ZNF722: variants seen among roughly 807,000 people sequenced by gnomAD.
ZNF722 encodes zinc finger protein 722.
At chr7:63,999,858 G>T in the ZNF722 span, among the ~76,000 whole-genome samples, 2 of 151,132 alleles carry the variant, frequency 1.3e-5, no homozygotes, top group Non-Finnish European at 2.9e-5. Flanking sequence ...CCACGACCAG[G>T]CTAATTTTTG....
At chr7:64,015,218 T>C in the ZNF722 span, 1 of 1,248,460 alleles carries the variant, frequency 8.0e-7, no homozygotes, top group East Asian at 2.3e-5. Flanking sequence ...GTTTGTCAAA[T>C]ACCCAAAACA....
At chr7:64,008,931 T>A in the ZNF722 span, among the ~76,000 whole-genome samples, 2 of 152,210 alleles carry the variant, frequency 1.3e-5, no homozygotes, top group Non-Finnish European at 2.9e-5. Context: ...GAGCAGTGGT[T>A]TGAAGTTCTC....
the ZNF722 span, among the ~76,000 whole-genome samples, chr7:64,013,068 C>T: frequency 6.6e-6 from 1 of 152,122 alleles, no homozygotes; most frequent in Non-Finnish European, 1.5e-5. Flanking sequence ...GTCTACTGAA[C>T]TGTGAACCAA....
At chr7:64,002,827 G>A in the ZNF722 span, among the ~76,000 whole-genome samples, 3 of 152,094 alleles carry the variant, frequency 2.0e-5, no homozygotes, top group Non-Finnish European at 4.4e-5. Context: ...ACTTAAAAAA[G>A]CCAACAAAAA....
the ZNF722 span, among the ~76,000 whole-genome samples, chr7:64,004,425 A>AAAAAAAAAATAT: frequency 3.3e-5 from 2 of 61,120 alleles, no homozygotes; most frequent in African/African-American, 8.0e-5. Flanking sequence ...AAAAAAAAAA[A>AAAAAAAAAATAT]ATATATATAT....
At chr7:64,010,571 C>T in the ZNF722 span, among the ~76,000 whole-genome samples, 1 of 152,158 alleles carries the variant, frequency 6.6e-6, no homozygotes, top group Non-Finnish European at 1.5e-5. Flanking sequence ...GTTTCTTAAT[C>T]CTGAGTTCTA....
At chr7:64,005,657 G>A in the ZNF722 span, 1 of 1,374,372 alleles carries the variant, frequency 7.3e-7, no homozygotes, top group Non-Finnish European at 1.0e-6. Flanking sequence ...CTCTCTGGAG[G>A]AGTGGCAATG....
At chr7:64,015,743 A>C in the ZNF722 span, 6 of 1,613,570 alleles carry the variant, frequency 3.7e-6, no homozygotes, top group East Asian at 1.1e-4. Context: ...AACCCTACAC[A>C]TGTGAAGAAT....
chr7:64,005,008 T>A, the ZNF722 span, among the ~76,000 whole-genome samples: 1 of 152,150 alleles, frequency 6.6e-6, no homozygotes, highest in Non-Finnish European at 1.5e-5. Context: ...CACAACTTAT[T>A]CTGTATGATG....
the ZNF722 span, among the ~76,000 whole-genome samples, chr7:64,003,707 C>G: frequency 2.0e-4 from 30 of 152,264 alleles, no homozygotes; most frequent in South Asian, 6.2e-3. Context: ...TCTATACATA[C>G]TTTTCATCTT....
the ZNF722 span, among the ~76,000 whole-genome samples, chr7:64,005,331 A>C: frequency 6.6e-6 from 1 of 152,168 alleles, no homozygotes; most frequent in Non-Finnish European, 1.5e-5. Flanking sequence ...ATAGAAAAAA[A>C]AGACATGTCC....
At chr7:64,004,410 TAA>T in the ZNF722 span, among the ~76,000 whole-genome samples, 526 of 35,220 alleles carry the variant, frequency 0.015, 8 homozygotes, top group South Asian at 0.15. Flanking sequence ...CTCTGTCTCT[TAA>T]AAAAAAAAAA....
At chr7:64,010,221 G>GT in the ZNF722 span, among the ~76,000 whole-genome samples, 1 of 152,036 alleles carries the variant, frequency 6.6e-6, no homozygotes, top group Non-Finnish European at 1.5e-5. Context: ...TTTTTGAAGG[G>GT]TTTTTTGTGT....
At chr7:64,004,891 C>T in the ZNF722 span, among the ~76,000 whole-genome samples, 2 of 152,076 alleles carry the variant, frequency 1.3e-5, no homozygotes, top group South Asian at 2.1e-4. Context: ...CAGACTTTAT[C>T]CCAAATCTCC....
the ZNF722 span, chr7:63,999,035 G>C: frequency 8.3e-6 from 13 of 1,567,914 alleles, no homozygotes; most frequent in African/African-American, 1.8e-4. Flanking sequence ...AGAGGGGCGG[G>C]AGACGGTTGG....
At chr7:64,009,517 T>C in the ZNF722 span, among the ~76,000 whole-genome samples, 1 of 152,216 alleles carries the variant, frequency 6.6e-6, no homozygotes, top group East Asian at 1.9e-4. Context: ...GTTTTGTCTT[T>C]GGTTCTGTTT....
At chr7:64,001,680 T>TAAAC in the ZNF722 span, among the ~76,000 whole-genome samples, 1 of 152,348 alleles carries the variant, frequency 6.6e-6, no homozygotes, top group South Asian at 2.1e-4. Context: ...TCTCAATGTT[T>TAAAC]AAACAAATTT....
At chr7:64,011,188 C>T in the ZNF722 span, among the ~76,000 whole-genome samples, 1 of 151,990 alleles carries the variant, frequency 6.6e-6, no homozygotes, top group Non-Finnish European at 1.5e-5. Flanking sequence ...ACTGATGGGT[C>T]TTGACTCTTT....
chr7:64,015,823 A>G, the ZNF722 span: 1 of 1,607,888 alleles, frequency 6.2e-7, no homozygotes, highest in South Asian at 1.1e-5. Context: ...GAGAAACCCT[A>G]CAAATGTGAA....
Sources: allele counts gnomAD v4.1 joint callset (sites outside exome capture counted in the v4.1 genomes callset), GRCh38; gene constraint gnomAD v4.1.1; transcripts MANE v1.5; gene names NCBI Gene and HGNC (gene_info 2026-07-23, HGNC 2026-07-21).